IGSF10: variants seen among roughly 807,000 people sequenced by gnomAD.
IGSF10 encodes calvaria mechanical force protein 608.
In IGSF10, 126 loss-of-function variants were observed where a neutral mutation model predicts 128.2. The ratio of observed to expected loss-of-function variants is 0.98; its 90% CI spans 0.85 to 1.14. The LOEUF (loss-of-function observed/expected upper bound fraction) is 1.14, where lower values mean the gene tolerates loss of function less well. Ranked by LOEUF, IGSF10 falls within the 50% of genes most tolerant of loss-of-function variation. The pLI is 0.00. For synonymous variants in IGSF10, 1,185 were observed against 1,146.2 expected (o/e 1.03, Z -0.68); for missense variants, 3,295 against 3,149.8 (o/e 1.05, Z -1.10).
the IGSF10 span, among the ~76,000 whole-genome samples, chr3:151,466,478 G>A: frequency 6.6e-6 from 1 of 152,152 alleles, no homozygotes; most frequent in Admixed American, 6.5e-5. Flanking sequence ...TTTAATAATG[G>A]AATTATCTCA....
chr3:151,578,110 T>C, the IGSF10 span, among the ~76,000 whole-genome samples: 5 of 152,220 alleles, frequency 3.3e-5, no homozygotes, highest in South Asian at 2.1e-4. Flanking sequence ...TGTGTAGCCA[T>C]AATTTTCTGG....
chr3:151,609,886 T>G, the IGSF10 span, among the ~76,000 whole-genome samples: 2 of 152,144 alleles, frequency 1.3e-5, no homozygotes. Flanking sequence ...TATTGGGTAC[T>G]ATGCTCATTA....
chr3:151,477,397 G>T, the IGSF10 span, among the ~76,000 whole-genome samples: 2 of 152,140 alleles, frequency 1.3e-5, no homozygotes, highest in African/African-American at 4.8e-5. Context: ...GCAGAATTAA[G>T]TATAAATAGA....
At chr3:151,485,934 C>A in the IGSF10 span, among the ~76,000 whole-genome samples, 2 of 149,784 alleles carry the variant, frequency 1.3e-5, no homozygotes, top group African/African-American at 5.0e-5. Context: ...ATGCCAGGAT[C>A]GAATTCACAC....
intron 7 of IGSF10, among the ~76,000 whole-genome samples, chr3:151,441,641 CTCA>C (rs1720851250): frequency 6.6e-6 from 1 of 152,066 alleles, no homozygotes; most frequent in South Asian, 2.1e-4. Context: ...GATGGAAATT[CTCA>C]TCCTCATTTT....
Position 151,446,174 on chromosome 3 carries a change from G to T in IGSF10, c.3807C>A (p.Thr1269=). Residue 1269 remains threonine, a synonymous_variant, in exon 6 of 8, where the codon ACC becomes ACA. Transcript: ENST00000282466. ...VMQIPSNTLT[T]AHHTTTKTHN... ...GTGTTTTGGTCGTAGTGTGGTGAGC[G>T]GTAGTCAAGGTATTAGATGGAATTT... 1 of 1,614,018 alleles carries T rather than the reference G, an allele frequency of 6.2e-7. No homozygotes were observed. The highest frequency in any genetic ancestry group is 1.3e-5 in the African/African-American group (1 of 75,008).
At position 151,443,796 on chromosome 3, in the gene IGSF10, G is replaced by C. The variant is rs1560174770; in HGVS notation, c.5151C>G (p.Asp1717Glu). Residue 1717 changes from aspartate (D) to glutamate (E), a missense_variant, in exon 7 of 8, where the codon GAC (aspartate) becomes GAG (glutamate). Transcript: ENST00000282466. ...ATGCGGAACACAAGTACTGTCCGCG[G>C]TCCTGAATTTCCACCCTCTGGATGG... ...TLSIQRVEIQ[D>E]RGQYLCSASN... 1.2e-6 allele frequency: 2 copies of C among 1,614,068 alleles called. No individual in the cohort carries two copies. Among genetic ancestry groups the C allele is most frequent in the Non-Finnish European group, 1.7e-6 (2 of 1,179,970 alleles).
chr3:151,581,461 T>C, the IGSF10 span, among the ~76,000 whole-genome samples: 2 of 152,180 alleles, frequency 1.3e-5, no homozygotes, highest in Non-Finnish European at 2.9e-5. Context: ...GTTATTCCTT[T>C]GTGTTGTTTG....
the IGSF10 span, among the ~76,000 whole-genome samples, chr3:151,475,294 C>G: frequency 6.6e-6 from 1 of 152,282 alleles, no homozygotes; most frequent in East Asian, 1.9e-4. Flanking sequence ...CCAAATAAGT[C>G]TTTTCGATTG....
At chr3:151,537,158 G>C in the IGSF10 span, among the ~76,000 whole-genome samples, 12 of 152,204 alleles carry the variant, frequency 7.9e-5, no homozygotes, top group East Asian at 2.1e-3. Context: ...CCTAAAGTTG[G>C]GCACATTAGT....
At chr3:151,533,030 CAG>C in the IGSF10 span, among the ~76,000 whole-genome samples, 3 of 126,966 alleles carry the variant, frequency 2.4e-5, no homozygotes, top group African/African-American at 9.8e-5. Context: ...AGCAGACAAA[CAG>C]AGCCAAATCA....
upstream of IGSF10, chr3:151,461,252 C>A (rs1722050580): frequency 1.0e-6 from 1 of 985,256 alleles, no homozygotes; most frequent in Non-Finnish European, 1.2e-6. Context: ...CAGGTCCTGG[C>A]TGGGTGGCAG....
the IGSF10 span, among the ~76,000 whole-genome samples, chr3:151,496,865 G>T: frequency 6.6e-6 from 1 of 151,872 alleles, no homozygotes; most frequent in Non-Finnish European, 1.5e-5. Context: ...TTTAATGATT[G>T]CCATTCTAAC....
At chr3:151,450,330 C>A (rs572458281) in intron 5 of IGSF10, among the ~76,000 whole-genome samples, 29 of 152,196 alleles carry the variant, frequency 1.9e-4, no homozygotes, top group Non-Finnish European at 3.8e-4. Context: ...ATGCACTGGA[C>A]ATGGCACTTA....
the IGSF10 span, among the ~76,000 whole-genome samples, chr3:151,545,630 G>T: frequency 6.6e-6 from 1 of 152,182 alleles, no homozygotes; most frequent in Non-Finnish European, 1.5e-5. Context: ...CTGCACTTTA[G>T]CATTCCTGCA....
the IGSF10 span, among the ~76,000 whole-genome samples, chr3:151,507,801 G>C: frequency 2.6e-5 from 4 of 152,094 alleles, no homozygotes; most frequent in African/African-American, 9.7e-5. Flanking sequence ...ATTTGGGTGA[G>C]AACACAGTTA....
chr3:151,571,030 T>A, the IGSF10 span, among the ~76,000 whole-genome samples: 12 of 152,268 alleles, frequency 7.9e-5, no homozygotes, highest in African/African-American at 2.2e-4. Context: ...GGTTTGTCAA[T>A]GATCAGATGG....
Position 151,436,635 on chromosome 3 carries a change from A to T in IGSF10, c.*54T>A, listed in dbSNP as rs988656236. On this transcript the variant is annotated 3_prime_UTR_variant, in exon 8 of 8. Transcript: ENST00000282466. ...CATGCCTATGGCTGCCTTTGATTAA[A>T]CTTCTTCCAAAAAATAAATTCTGCC... is the stretch of plus-strand genomic sequence containing the variant. 9.1e-6 allele frequency: 12 copies of T among 1,318,964 alleles called. No homozygotes were observed. The highest frequency in any genetic ancestry group is 1.5e-5 in the African/African-American group (1 of 67,856). The allele number at this position is 1,318,964 out of a possible 1,614,324, so 81.7% of individuals were successfully genotyped here. A position where few individuals can be genotyped will look rare whatever the true frequency, so the allele number is the denominator to read the frequency against.
intron 4 of IGSF10, among the ~76,000 whole-genome samples, chr3:151,455,965 A>T (rs1299730367): frequency 6.6e-6 from 1 of 152,164 alleles, no homozygotes; most frequent in Non-Finnish European, 1.5e-5. Flanking sequence ...GAATGCCAAG[A>T]CCCCTAATAA....
Sources: gnomAD v4.1 joint callset for allele counts (sites outside exome capture counted in the v4.1 genomes callset) on GRCh38, gnomAD v4.1.1 for gene constraint, MANE v1.5 for transcripts, NCBI Gene and HGNC (gene_info 2026-07-23, HGNC 2026-07-21) for gene names.